The following DGKB variants were observed in gnomAD, a reference collection of about 807,000 sequenced individuals.
DGKB encodes the protein diacylglycerol kinase beta.
Under a neutral mutation model 114.3 loss-of-function variants are expected in DGKB, and 67 were observed. That is an observed-to-expected ratio of 0.59 (90% confidence interval 0.48 to 0.72). The LOEUF (loss-of-function observed/expected upper bound fraction) is 0.72. Ranked by LOEUF, DGKB falls within the 30% of genes least tolerant of loss-of-function variation. DGKB has a pLI of 0.00. For synonymous variants in DGKB, 398 were observed against 323.1 expected (o/e 1.23, Z -2.49); for missense variants, 907 against 975.2 (o/e 0.93, Z 0.93).
At chr7:14,668,010 T>C (rs980815447) in intron 13 of DGKB, among the ~76,000 whole-genome samples, 3 of 151,516 alleles carry the variant, frequency 2.0e-5, no homozygotes, top group Admixed American at 2.0e-4. Context: ...AGAGAATGAG[T>C]AGGTTGATCC....
At chr7:14,919,088 ACACACAAACAC>A in intron 1 of DGKB, among the ~76,000 whole-genome samples, 2 of 123,884 alleles carry the variant, frequency 1.6e-5, no homozygotes, top group Non-Finnish European at 3.3e-5. Context: ...ACACACACAC[ACACACAAACAC>A]ACACACACAC....
chr7:14,849,750 A>G (rs1849098292), intron 1 of DGKB, among the ~76,000 whole-genome samples: 1 of 152,124 alleles, frequency 6.6e-6, no homozygotes, highest in African/African-American at 2.4e-5. Flanking sequence ...CCAGTGCCTC[A>G]CACTGACCAA....
At chr7:14,747,775 G>GCGCGCGTGCGCGCGCGCGCGCACA in intron 4 of DGKB, among the ~76,000 whole-genome samples, 1 of 149,178 alleles carries the variant, frequency 6.7e-6, no homozygotes, top group African/African-American at 2.5e-5. Flanking sequence ...ACATCCACGC[G>GCGCGCGTGCGCGCGCGCGCGCACA]CACGCACACA....
chr7:14,927,070 T>G (rs576741820), intron 1 of DGKB, among the ~76,000 whole-genome samples: 97 of 152,130 alleles, frequency 6.4e-4, no homozygotes, highest in African/African-American at 1.9e-3. Context: ...TGATGATGAT[T>G]ATTTGTCTAC....
intron 21 of DGKB, among the ~76,000 whole-genome samples, chr7:14,466,645 CAAAAA>C (rs57888491): frequency 2.2e-4 from 31 of 138,572 alleles, no homozygotes; most frequent in African/African-American, 6.5e-4. Flanking sequence ...ATGAATAAAC[CAAAAA>C]AAAAAAAAAA....
chr7:14,540,477 C>T (rs1370199247), intron 20 of DGKB, among the ~76,000 whole-genome samples: 2 of 152,116 alleles, frequency 1.3e-5, no homozygotes, highest in African/African-American at 4.8e-5. Flanking sequence ...TTAAAAAAAT[C>T]ATCAATCCAA....
At chr7:14,450,614 A>T (rs935840484) in intron 21 of DGKB, among the ~76,000 whole-genome samples, 1 of 152,046 alleles carries the variant, frequency 6.6e-6, no homozygotes, top group East Asian at 1.9e-4. Flanking sequence ...AAAAATTCCT[A>T]AGTAAAATAT....
chr7:14,344,169 C>G (rs1291346040), intron 22 of DGKB, among the ~76,000 whole-genome samples: 2 of 150,996 alleles, frequency 1.3e-5, no homozygotes, highest in African/African-American at 4.9e-5. Flanking sequence ...AGAAAGTCCA[C>G]GTTGAACCCA....
intron 23 of DGKB, among the ~76,000 whole-genome samples, chr7:14,254,640 T>A (rs1282577526): frequency 6.6e-6 from 1 of 152,216 alleles, no homozygotes; most frequent in Non-Finnish European, 1.5e-5. Context: ...CAACCCTACA[T>A]ATACATACAT....
chr7:14,264,452 G>C (rs1797210168), intron 23 of DGKB, among the ~76,000 whole-genome samples: 1 of 152,048 alleles, frequency 6.6e-6, no homozygotes, highest in African/African-American at 2.4e-5. Flanking sequence ...TTAGGCAGAG[G>C]TCCTAAGAGA....
At chr7:14,821,766 T>G (rs1420969187) in intron 2 of DGKB, among the ~76,000 whole-genome samples, 1 of 152,126 alleles carries the variant, frequency 6.6e-6, no homozygotes, top group Non-Finnish European at 1.5e-5. Context: ...TCAAGGAATT[T>G]ATTGGCCTCT....
chr7:14,817,571 A>C (rs1385347585), intron 2 of DGKB, among the ~76,000 whole-genome samples: 1 of 152,218 alleles, frequency 6.6e-6, no homozygotes, highest in Non-Finnish European at 1.5e-5. Flanking sequence ...AAGGTTGTAA[A>C]AATTTTTCTC....
intron 23 of DGKB, among the ~76,000 whole-genome samples, chr7:14,304,903 T>G (rs1474533558): frequency 6.6e-6 from 1 of 152,122 alleles, no homozygotes; most frequent in Non-Finnish European, 1.5e-5. Flanking sequence ...AGCTTTGGAG[T>G]TTACACAGAT....
chr7:14,961,766 G>A (rs892736806), intron 1 of DGKB, among the ~76,000 whole-genome samples: 1 of 152,086 alleles, frequency 6.6e-6, no homozygotes, highest in Non-Finnish European at 1.5e-5. Context: ...TGGTCTGAAA[G>A]TTCCTCCTAC....
intron 2 of DGKB, among the ~76,000 whole-genome samples, chr7:14,819,546 C>T (rs1046842337): frequency 2.0e-5 from 3 of 152,104 alleles, no homozygotes; most frequent in African/African-American, 4.8e-5. Flanking sequence ...GCTGAGATCA[C>T]ACCACTGCAC....
chr7:14,800,875 G>A (rs1403099035), intron 2 of DGKB, among the ~76,000 whole-genome samples: 1 of 152,074 alleles, frequency 6.6e-6, no homozygotes, highest in African/African-American at 2.4e-5. Flanking sequence ...CAATCCTTCA[G>A]GAATGGAGGT....
rs1803620930 is a variant in DGKB, at chr7:14,301,874, A to G, written c.2122+36641T>C. ...ACAGTGCTTTTGTCAGACTCATGGGACTGAGTCCAGGGTCTACCAAAGTAT... is the reference window on the plus strand; with the variant it reads ...ACAGTGCTTTTGTCAGACTCATGGGGCTGAGTCCAGGGTCTACCAAAGTAT... On this transcript the variant is annotated intron_variant, in intron 23 of 25. Coordinates refer to ENST00000402815, the MANE Select transcript of DGKB (RefSeq NM_001350709.2). 2.0e-5 allele frequency among the ~76,000 whole-genome samples: 3 copies of G among 152,040 alleles called. No individual in the cohort carries two copies. The South Asian group carries it at 6.2e-4, about 31-fold the overall frequency.
At chr7:14,809,049 T>A (rs943658876) in intron 2 of DGKB, among the ~76,000 whole-genome samples, 25 of 152,126 alleles carry the variant, frequency 1.6e-4, no homozygotes, top group African/African-American at 6.0e-4. Context: ...TAGAAACAAA[T>A]CATGAGAAAG....
chr7:14,564,661 A>T (rs1474247779), intron 20 of DGKB, among the ~76,000 whole-genome samples: 1 of 152,130 alleles, frequency 6.6e-6, no homozygotes, highest in Non-Finnish European at 1.5e-5. Flanking sequence ...GTCTTTATAG[A>T]TGCATCTTCA....
Sources: allele counts gnomAD v4.1 joint callset (sites outside exome capture counted in the v4.1 genomes callset), GRCh38; gene constraint gnomAD v4.1.1; transcripts MANE v1.5; gene names NCBI Gene and HGNC (gene_info 2026-07-23, HGNC 2026-07-21).